RNF216: variants seen among roughly 807,000 people sequenced by gnomAD.
The protein encoded by RNF216 is E3 ubiquitin-protein ligase RNF216.
RNF216 carries 72 observed loss-of-function variants against 110.8 expected under a neutral mutation model. That is an observed-to-expected ratio of 0.65 (90% confidence interval 0.54 to 0.79). The LOEUF (loss-of-function observed/expected upper bound fraction) is 0.79. Among genes scored for constraint, RNF216 ranks in the 30% least tolerant of loss-of-function variants. The pLI is 0.00. For missense variants in RNF216, 1,342 were observed against 1,141.2 expected, an observed-to-expected ratio of 1.18 and a Z score of -2.54; for synonymous variants, 495 against 407.5, an observed-to-expected ratio of 1.21 and a Z score of -2.59.
intron 13 of RNF216, among the ~76,000 whole-genome samples, chr7:5,668,285 G>T (rs900147479): frequency 6.7e-6 from 1 of 149,998 alleles, no homozygotes; most frequent in African/African-American, 2.5e-5. Context: ...GTGCAGTGGC[G>T]CAATCTTGGC....
At chr7:5,684,776 ACTTTAC>A (rs1385107247) in intron 13 of RNF216, among the ~76,000 whole-genome samples, 3 of 152,100 alleles carry the variant, frequency 2.0e-5, no homozygotes, top group Non-Finnish European at 2.9e-5. Flanking sequence ...GAAAAACAAA[ACTTTAC>A]CTTTACAGAG....
chr7:5,760,193 C>A (rs970394054), intron 2 of RNF216, among the ~76,000 whole-genome samples: 1 of 152,022 alleles, frequency 6.6e-6, no homozygotes, highest in Non-Finnish European at 1.5e-5. Context: ...ATTCCCTTTA[C>A]AAATCAATAA....
chr7:5,741,150 A>C lies in RNF216; in HGVS notation c.867T>G (p.Ser289=). 1 of 1,614,012 alleles carries C rather than the reference A, an allele frequency of 6.2e-7. No individual in the cohort carries two copies. Among genetic ancestry groups the C allele is most frequent in the Non-Finnish European group, 8.5e-7 (1 of 1,179,996 alleles). ...CTCCTAGAGGATGGGCAGGCTGAGG[A>C]GAAGAGGGGCCTGAAATCCCACCTT... ...PQQGGISGPS[S]PQPAHPLGEF... The change falls in exon 4 of 17, where the codon TCT becomes TCG. Residue 289 remains serine (S), a synonymous_variant. Coordinates refer to ENST00000389902, the MANE Select transcript of RNF216 (RefSeq NM_207111.4).
At chr7:5,763,720 C>T (rs1165442103) in intron 1 of RNF216, among the ~76,000 whole-genome samples, 1 of 152,060 alleles carries the variant, frequency 6.6e-6, no homozygotes, top group Non-Finnish European at 1.5e-5. Context: ...CAGGCATGCA[C>T]CACCATGCCT....
chr7:5,654,343 G>A (rs1468130016), intron 13 of RNF216, among the ~76,000 whole-genome samples: 1 of 152,062 alleles, frequency 6.6e-6, no homozygotes, highest in African/African-American at 2.4e-5. Flanking sequence ...ACAGAATGCT[G>A]AGGGAGCTGA....
At chr7:5,776,294 G>C (rs80188632) in intron 1 of RNF216, among the ~76,000 whole-genome samples, 1,676 of 152,024 alleles carry the variant, frequency 0.011, 34 homozygotes, top group African/African-American at 0.038. Context: ...GTGTAATAAA[G>C]AGACTATAGC....
At chr7:5,748,837 C>A (rs1249670572) in intron 3 of RNF216, among the ~76,000 whole-genome samples, 3 of 152,092 alleles carry the variant, frequency 2.0e-5, no homozygotes, top group African/African-American at 7.2e-5. Flanking sequence ...GGGGTTGGCA[C>A]CCCTAACCAC....
At chr7:5,719,959 T>G (rs1793313487) in intron 9 of RNF216, among the ~76,000 whole-genome samples, 1 of 152,240 alleles carries the variant, frequency 6.6e-6, no homozygotes, top group African/African-American at 2.4e-5. Context: ...TGAAAAGATG[T>G]TTCCAACGGT....
chr7:5,675,186 AAC>A (rs1790200598), intron 13 of RNF216, among the ~76,000 whole-genome samples: 1 of 152,210 alleles, frequency 6.6e-6, no homozygotes, highest in Non-Finnish European at 1.5e-5. Context: ...ACCAACTACT[AAC>A]AGTCTGTTGT....
intron 1 of RNF216, among the ~76,000 whole-genome samples, chr7:5,776,899 CAAAAA>C (rs754872404): frequency 2.4e-5 from 2 of 83,592 alleles, no homozygotes; most frequent in Non-Finnish European, 2.1e-5. Flanking sequence ...AGACTCTGTC[CAAAAA>C]AAAAAAAAAA....
At chr7:5,637,900 C>T (rs1004384250) in intron 15 of RNF216, among the ~76,000 whole-genome samples, 4 of 152,290 alleles carry the variant, frequency 2.6e-5, no homozygotes, top group South Asian at 2.1e-4. Context: ...GGGTGGAGTG[C>T]GGTGGCGCGA....
rs1179524176 is a variant in RNF216, at chr7:5,621,727, G to C, written c.*1133C>G. Reference sequence around the variant, plus strand: ...GAGGAGAAAGTGATGCCTGTGGCCAGGAAGGCTTCAGACCTCTCATCTGTC... The same window carrying C: ...GAGGAGAAAGTGATGCCTGTGGCCACGAAGGCTTCAGACCTCTCATCTGTC... On this transcript the variant is annotated 3_prime_UTR_variant, in exon 17 of 17. Coordinates refer to ENST00000389902, the MANE Select transcript of RNF216 (RefSeq NM_207111.4). 1.3e-5 allele frequency: 2 copies of C among 152,590 alleles called. No homozygotes were observed. The highest frequency in any genetic ancestry group is 6.5e-5 in the Admixed American group (1 of 15,290). 9.5% of individuals were successfully genotyped at this position (152,590 alleles called of 1,614,324 possible).
intron 15 of RNF216, among the ~76,000 whole-genome samples, chr7:5,633,302 G>C (rs1191295800): frequency 6.6e-6 from 1 of 152,006 alleles, no homozygotes; most frequent in African/African-American, 2.4e-5. Flanking sequence ...AAGGCCGGGT[G>C]CGGTGGCTCA....
chr7:5,736,661 T>G (rs1794428356), intron 5 of RNF216, among the ~76,000 whole-genome samples: 2 of 143,920 alleles, frequency 1.4e-5, no homozygotes, highest in African/African-American at 5.3e-5. Flanking sequence ...CCACCATCCC[T>G]TCTAGGAAGT....
At chr7:5,756,035 A>G (rs1795620423) in intron 2 of RNF216, among the ~76,000 whole-genome samples, 1 of 152,140 alleles carries the variant, frequency 6.6e-6, no homozygotes, top group African/African-American at 2.4e-5. Flanking sequence ...GTAATCCCAT[A>G]ATCCCCACAA....
intron 13 of RNF216, among the ~76,000 whole-genome samples, chr7:5,705,895 G>A (rs550108187): frequency 4.7e-5 from 7 of 148,288 alleles, no homozygotes; most frequent in Non-Finnish European, 7.4e-5. Context: ...CAAGAAGAGC[G>A]AAACTCCATC....
intron 8 of RNF216, 128 bp from the exon 9 acceptor site, chr7:5,721,300 T>C: frequency 1.2e-6 from 1 of 819,018 alleles, no homozygotes; most frequent in Non-Finnish European, 1.9e-6. Context: ...GACTTTTCTA[T>C]CACATTCTAC....
At chr7:5,720,189 G>A (rs757308028) in intron 9 of RNF216, among the ~76,000 whole-genome samples, 1 of 152,154 alleles carries the variant, frequency 6.6e-6, no homozygotes, top group Non-Finnish European at 1.5e-5. Flanking sequence ...GATCAACAGA[G>A]ATGTGAACTG....
At chr7:5,735,450 A>C (rs1264807104) in intron 5 of RNF216, among the ~76,000 whole-genome samples, 2 of 152,246 alleles carry the variant, frequency 1.3e-5, no homozygotes, top group Non-Finnish European at 2.9e-5. Flanking sequence ...AATTAAAAAA[A>C]GATTAAAAAT....
Sources: allele counts gnomAD v4.1 joint callset (sites outside exome capture counted in the v4.1 genomes callset), GRCh38; gene constraint gnomAD v4.1.1; transcripts MANE v1.5; gene names NCBI Gene and HGNC (gene_info 2026-07-23, HGNC 2026-07-21).